ADAMTS2: variants seen among roughly 807,000 people sequenced by gnomAD.
ADAMTS2 encodes the protein ADAM metallopeptidase with thrombospondin type 1 motif 2, also known as A disintegrin and metalloproteinase with thrombospondin motifs 2.
A neutral mutation model predicts 123.0 loss-of-function variants in ADAMTS2; 50 were observed. The observed-to-expected ratio is 0.41, with a 90% CI of 0.32 to 0.51. ADAMTS2 has a LOEUF of 0.51. Among genes scored for constraint, ADAMTS2 ranks in the 20% least tolerant of loss-of-function variants. The pLI, the probability that ADAMTS2 is intolerant of heterozygous loss-of-function variation, is 0.35. For missense variants in ADAMTS2, 1,494 were observed against 1,705.2 expected (o/e 0.88, Z 2.18); for synonymous variants, 678 against 695.4 (o/e 0.98, Z 0.39).
At chr5:179,157,485 C>T (rs530514614) in intron 6 of ADAMTS2, among the ~76,000 whole-genome samples, 12 of 151,630 alleles carry the variant, frequency 7.9e-5, no homozygotes, top group South Asian at 2.1e-4. Flanking sequence ...CTATTAGGTG[C>T]GTCTTGATAT....
At chr5:179,282,473 A>G (rs1397748573) in intron 2 of ADAMTS2, among the ~76,000 whole-genome samples, 1 of 152,182 alleles carries the variant, frequency 6.6e-6, no homozygotes, top group Admixed American at 6.5e-5. Flanking sequence ...TCTCAGTTCT[A>G]TTCTACCAAT....
intron 10 of ADAMTS2, among the ~76,000 whole-genome samples, chr5:179,140,799 CTTTT>C (rs770094463): frequency 2.1e-4 from 19 of 90,454 alleles, no homozygotes; most frequent in African/African-American, 4.9e-4. Flanking sequence ...ACTGCATGCT[CTTTT>C]TTTTTTTTTT....
intron 3 of ADAMTS2, among the ~76,000 whole-genome samples, chr5:179,271,295 G>A (rs940203992): frequency 1.3e-5 from 2 of 152,134 alleles, no homozygotes; most frequent in African/African-American, 4.8e-5. Flanking sequence ...TCAGAGACAT[G>A]GCCAAGGGCA....
chr5:179,129,663 A>G lies in ADAMTS2; in HGVS notation c.2457+269T>C, dbSNP rs757040320. On this transcript the variant is annotated intron_variant, in intron 16 of 21. Coordinates refer to ENST00000251582, the MANE Select transcript of ADAMTS2 (RefSeq NM_014244.5). This position sits in a 1 kb window ranked among gnomAD's most constrained non-coding sequence, Gnocchi z 4.1. ...ACGAGCATGCTGATGGCAGCTGTGA[A>G]TGTCATTCAGATGGTGAAACCGAAA... 6.6e-6 allele frequency among the ~76,000 whole-genome samples: 1 copy of G among 152,180 alleles called. No individual in the cohort carries two copies. The highest frequency in any genetic ancestry group is 1.5e-5 in the Non-Finnish European group (1 of 68,030).
At chr5:179,252,870 T>C (rs1765959733) in intron 3 of ADAMTS2, among the ~76,000 whole-genome samples, 1 of 152,252 alleles carries the variant, frequency 6.6e-6, no homozygotes, top group African/African-American at 2.4e-5. Context: ...AAAATGATGA[T>C]AAATTTGTCA....
chr5:179,154,670 C>A, intron 7 of ADAMTS2, 144 bp downstream of exon 7: 1 of 697,464 alleles, frequency 1.4e-6, no homozygotes, highest in Non-Finnish European at 2.5e-6. Flanking sequence ...CAGCACTGCC[C>A]AGCGCTGGGA....
At chr5:179,243,447 C>A (rs1390145785) in intron 3 of ADAMTS2, among the ~76,000 whole-genome samples, 1 of 152,152 alleles carries the variant, frequency 6.6e-6, no homozygotes, top group Non-Finnish European at 1.5e-5. Context: ...TGACCCTGCA[C>A]ACGCTCAAGG....
At chr5:179,161,098 C>A (rs1334660069) in intron 5 of ADAMTS2, among the ~76,000 whole-genome samples, 1 of 152,176 alleles carries the variant, frequency 6.6e-6, no homozygotes, top group Non-Finnish European at 1.5e-5. Context: ...TGTAGCATAA[C>A]CTCACCTACT....
At chr5:179,174,384 A>G (rs1186115060) in intron 5 of ADAMTS2, among the ~76,000 whole-genome samples, 1 of 152,120 alleles carries the variant, frequency 6.6e-6, no homozygotes, top group East Asian at 1.9e-4. Context: ...TTTTGACAGA[A>G]GTTTGGTATT....
intron 5 of ADAMTS2, among the ~76,000 whole-genome samples, chr5:179,176,785 C>T (rs1014098395): frequency 6.6e-6 from 1 of 152,372 alleles, no homozygotes; most frequent in South Asian, 2.1e-4. Flanking sequence ...TGGCGGGAGA[C>T]GCAGGTCTGC....
At chr5:179,267,418 C>CA (rs1452443122) in intron 3 of ADAMTS2, among the ~76,000 whole-genome samples, 1 of 152,246 alleles carries the variant, frequency 6.6e-6, no homozygotes, top group African/African-American at 2.4e-5. Flanking sequence ...CTGACAGCAG[C>CA]AGGCAGAGGC....
chr5:179,283,970 A>ATTATTATTG (rs1755921648), intron 2 of ADAMTS2, among the ~76,000 whole-genome samples: 1 of 99,502 alleles, frequency 1.0e-5, no homozygotes. Flanking sequence ...TATTATTATT[A>ATTATTATTG]TTATTATTAT....
At position 179,202,617 on chromosome 5, in the gene ADAMTS2, C is replaced by T. The variant is rs367980082; in HGVS notation, c.891+4896G>A. Among the ~76,000 whole-genome samples the T allele has an allele frequency of 7.2e-5, 11 of 152,246 alleles. No homozygotes were observed. The highest frequency in any genetic ancestry group is 4.1e-4 in the South Asian group (2 of 4,828). On this transcript the variant is annotated intron_variant, in intron 4 of 21. Transcript: ENST00000251582. This position sits in a 1 kb window ranked among gnomAD's most constrained non-coding sequence, Gnocchi z 4.0. Reference sequence around the variant, plus strand: ...CATATAATAGACGCCCCATAAACACCGGCCCCCGTATGAACGGCAGCCAGG... The same window carrying T: ...CATATAATAGACGCCCCATAAACACTGGCCCCCGTATGAACGGCAGCCAGG...
chr5:179,344,247 C>G, intron 1 of ADAMTS2, 86 bp from the exon 2 acceptor site: 4 of 1,481,694 alleles, frequency 2.7e-6, no homozygotes, highest in Non-Finnish European at 2.7e-6. Context: ...CCCCCCCAGA[C>G]CCCGCCCCAC....
rs1158800657 is a variant in ADAMTS2 at position 179,343,932 on chromosome 5, C to G, written c.369G>C (p.Arg123=). 1 of 1,609,838 alleles carries G rather than the reference C, an allele frequency of 6.2e-7. No individual in the cohort carries two copies. Among genetic ancestry groups the G allele is most frequent in the East Asian group, 2.2e-5 (1 of 44,746 alleles). The change falls in exon 2 of 22, where the codon CGG becomes CGC. Residue 123 remains arginine (R), a synonymous_variant. Transcript: ENST00000251582. ...VTVFGRDLHL[R]LRPNARLVAP... ...CCACGAGGCGGGCGTTGGGCCGCAG[C>G]CGCAGGTGCAGGTCTCGGCCAAAGA...
At chr5:179,248,805 A>G (rs1561632448) in intron 3 of ADAMTS2, among the ~76,000 whole-genome samples, 1 of 152,206 alleles carries the variant, frequency 6.6e-6, no homozygotes, top group Non-Finnish European at 1.5e-5. Context: ...AGACTTCAAT[A>G]TTCCACTTTC....
chr5:179,270,729 G>A (rs544083859), intron 3 of ADAMTS2, among the ~76,000 whole-genome samples: 1 of 152,336 alleles, frequency 6.6e-6, no homozygotes, highest in African/African-American at 2.4e-5. Context: ...TGGGCCTGGT[G>A]CCCTTCCAGT....
intron 2 of ADAMTS2, among the ~76,000 whole-genome samples, chr5:179,319,351 G>A (rs939254216): frequency 2.6e-5 from 4 of 152,092 alleles, no homozygotes; most frequent in South Asian, 2.1e-4. Context: ...CATGTGCATC[G>A]GTCATACATG....
chr5:179,168,513 G>A (rs563706953), intron 5 of ADAMTS2, among the ~76,000 whole-genome samples: 1 of 152,324 alleles, frequency 6.6e-6, no homozygotes, highest in Admixed American at 6.5e-5. Context: ...GTGGGGGTGA[G>A]GGCATAAAGT....
Sources: allele counts gnomAD v4.1 joint callset (sites outside exome capture counted in the v4.1 genomes callset), GRCh38; gene constraint gnomAD v4.1.1; non-coding constraint Gnocchi (gnomAD v3.1); transcripts MANE v1.5; gene names NCBI Gene and HGNC (gene_info 2026-07-23, HGNC 2026-07-21).